Variants in C2orf76 observed in about 807,000 individuals in gnomAD.
C2orf76 encodes UPF0538 protein C2orf76.
A neutral mutation model predicts 16.9 loss-of-function variants in C2orf76; 23 were observed. That is an observed-to-expected ratio of 1.36 (90% confidence interval 0.98 to 1.93). The LOEUF (loss-of-function observed/expected upper bound fraction) is 1.93, where lower values mean the gene tolerates loss of function less well. Among genes scored for constraint, C2orf76 ranks in the 30% most tolerant of loss-of-function variants. The pLI is 0.00. For missense variants in C2orf76, 152 were observed against 152.6 expected, an observed-to-expected ratio of 1.00 and a Z score of 0.02; for synonymous variants, 48 against 52.3, an observed-to-expected ratio of 0.92 and a Z score of 0.35.
chr2:119,342,426 C>T (rs187744297), intron 1 of C2orf76, among the ~76,000 whole-genome samples: 5 of 152,060 alleles, frequency 3.3e-5, no homozygotes, highest in Non-Finnish European at 5.9e-5. Flanking sequence ...TCCTGGCCAA[C>T]GTGGTGAAAC....
At chr2:119,350,675 G>C (rs570385917) in intron 1 of C2orf76, among the ~76,000 whole-genome samples, 1 of 152,306 alleles carries the variant, frequency 6.6e-6, no homozygotes, top group Admixed American at 6.5e-5. Flanking sequence ...GAAGCTTTGA[G>C]ACCCCATAGA....
At chr2:119,325,765 T>C (rs1679491359) in intron 2 of C2orf76, among the ~76,000 whole-genome samples, 1 of 152,238 alleles carries the variant, frequency 6.6e-6, no homozygotes, top group Non-Finnish European at 1.5e-5. Context: ...TTCTTATGGA[T>C]GTGTTGTGTA....
At chr2:119,314,755 T>C (rs1405084255) in intron 4 of C2orf76, among the ~76,000 whole-genome samples, 1 of 152,250 alleles carries the variant, frequency 6.6e-6, no homozygotes, top group Non-Finnish European at 1.5e-5. Context: ...TTGTATTTTA[T>C]TGGGGCAGCA....
intron 2 of C2orf76, among the ~76,000 whole-genome samples, chr2:119,326,766 A>T (rs1203099134): frequency 6.6e-6 from 1 of 152,186 alleles, no homozygotes; most frequent in Admixed American, 6.5e-5. Context: ...TTTTTAGAGT[A>T]AAAGTCTTAC....
chr2:119,282,106 A>C, the C2orf76 span, among the ~76,000 whole-genome samples: 6 of 151,826 alleles, frequency 4.0e-5, no homozygotes, highest in African/African-American at 1.5e-4. Context: ...AGATCATGCC[A>C]TTGCACTCCA....
chr2:119,317,010 C>T (rs976449447), intron 4 of C2orf76, among the ~76,000 whole-genome samples: 2 of 152,152 alleles, frequency 1.3e-5, no homozygotes, highest in Non-Finnish European at 2.9e-5. Context: ...AAGGTGTGTT[C>T]CCAGAGCCAC....
chr2:119,351,974 G>GTA (rs1159494611), intron 1 of C2orf76, among the ~76,000 whole-genome samples: 1 of 152,172 alleles, frequency 6.6e-6, no homozygotes, highest in Admixed American at 6.5e-5. Context: ...AAAAAACCTG[G>GTA]TATATATGCC....
intron 1 of C2orf76, among the ~76,000 whole-genome samples, chr2:119,365,075 C>T (rs1488369521): frequency 6.6e-6 from 1 of 152,060 alleles, no homozygotes; most frequent in Non-Finnish European, 1.5e-5. Flanking sequence ...AAGAGTGAGA[C>T]CACATCACAC....
chr2:119,286,224 CAAAA>C, the C2orf76 span, among the ~76,000 whole-genome samples: 21 of 60,364 alleles, frequency 3.5e-4, no homozygotes, highest in East Asian at 0.013. Flanking sequence ...GACTCCATCT[CAAAA>C]AAAAAAAAAA....
chr2:119,347,683 G>A (rs1680248751), intron 1 of C2orf76, among the ~76,000 whole-genome samples: 2 of 152,154 alleles, frequency 1.3e-5, no homozygotes, highest in South Asian at 4.2e-4. Context: ...ACCAGCCTGG[G>A]CAACATATCG....
chr2:119,355,419 C>T (rs1385748193), intron 1 of C2orf76, among the ~76,000 whole-genome samples: 3 of 152,200 alleles, frequency 2.0e-5, no homozygotes, highest in Non-Finnish European at 2.9e-5. Flanking sequence ...AGCATGAAGA[C>T]ATCTCACTCC....
chr2:119,296,396 T>C, the C2orf76 span, among the ~76,000 whole-genome samples: 1 of 152,032 alleles, frequency 6.6e-6, no homozygotes, highest in Middle Eastern at 3.2e-3. Flanking sequence ...CCAACACACA[T>C]GCATGCATAC....
chr2:119,330,998 C>A (rs1679659715), intron 2 of C2orf76, among the ~76,000 whole-genome samples: 1 of 152,056 alleles, frequency 6.6e-6, no homozygotes, highest in African/African-American at 2.4e-5. Context: ...TTATCACCTG[C>A]AATATTTCTG....
the C2orf76 span, among the ~76,000 whole-genome samples, chr2:119,293,731 G>A: frequency 3.9e-5 from 6 of 152,192 alleles, no homozygotes; most frequent in East Asian, 1.9e-4. Flanking sequence ...CTGAACGCCC[G>A]TGGAGCAGAC....
chr2:119,364,637 TG>T (rs1429505965), intron 1 of C2orf76, among the ~76,000 whole-genome samples: 1 of 152,100 alleles, frequency 6.6e-6, no homozygotes, highest in Non-Finnish European at 1.5e-5. Context: ...TATGTGTGTT[TG>T]GTGGGAGGCA....
chr2:119,365,385 T>C (rs1680907311), intron 1 of C2orf76, among the ~76,000 whole-genome samples: 2 of 152,236 alleles, frequency 1.3e-5, no homozygotes, highest in African/African-American at 4.8e-5. Context: ...TCCCCATATT[T>C]AACTCCAAGA....
At chr2:119,294,860 TGGGGCCAGA>T in the C2orf76 span, among the ~76,000 whole-genome samples, 1 of 151,950 alleles carries the variant, frequency 6.6e-6, no homozygotes, top group South Asian at 2.1e-4. Flanking sequence ...GGGTTAGGCC[TGGGGCCAGA>T]GGGGTCCGGG....
chr2:119,330,940 A>AT (rs1254606399), intron 2 of C2orf76, among the ~76,000 whole-genome samples: 3 of 151,976 alleles, frequency 2.0e-5, no homozygotes, highest in African/African-American at 7.3e-5. Context: ...CTTCTCGAAC[A>AT]TTTTGCAATA....
At chr2:119,325,413 T>C (rs1485226114) in intron 2 of C2orf76, among the ~76,000 whole-genome samples, 1 of 142,264 alleles carries the variant, frequency 7.0e-6, no homozygotes, top group Non-Finnish European at 1.5e-5. Context: ...TGAGCCGAGA[T>C]CTTGCCATTG....
Sources: gnomAD v4.1 joint callset for allele counts (sites outside exome capture counted in the v4.1 genomes callset) on GRCh38, gnomAD v4.1.1 for gene constraint, MANE v1.5 for transcripts, NCBI Gene and HGNC (gene_info 2026-07-23, HGNC 2026-07-21) for gene names.